The following PARP10 variants were observed in gnomAD, a reference collection of about 807,000 sequenced individuals.
PARP10 encodes the protein poly(ADP-ribose) polymerase family member 10.
In PARP10, 56 loss-of-function variants were observed where a neutral mutation model predicts 82.4. The observed-to-expected ratio is 0.68, with a 90% confidence interval of 0.55 to 0.85. The LOEUF (loss-of-function observed/expected upper bound fraction) is 0.85, where lower values mean the gene tolerates loss of function less well. Among genes scored for constraint, PARP10 ranks in the 40% least tolerant of loss-of-function variants. The probability of loss-of-function intolerance (pLI) is 0.00; values close to 1 mark genes in which losing one functional copy is unlikely to be tolerated. For missense variants in PARP10, 1,227 were observed against 1,379.4 expected, an observed-to-expected ratio of 0.89 and a Z score of 1.75; for synonymous variants, 576 against 601.1, an observed-to-expected ratio of 0.96 and a Z score of 0.61.
chr8:143,980,375 A>T (rs1833824098), intron 9 of PARP10, among the ~76,000 whole-genome samples: 1 of 148,838 alleles, frequency 6.7e-6, no homozygotes, highest in African/African-American at 2.5e-5. Flanking sequence ...AAATACAAAA[A>T]GTAGCTGGGT....
chr8:143,990,363 CGGCGGTGGTGGG>C (rs1834070605), upstream of PARP10: 1 of 151,146 alleles, frequency 6.6e-6, no homozygotes, highest in African/African-American at 2.4e-5. This position sits in a 1 kb window ranked among gnomAD's most constrained non-coding sequence, Gnocchi z 5.6. Flanking sequence ...CCAGAGGTGG[CGGCGGTGGTGGG>C]GGCGGGGAGC....
upstream of PARP10, chr8:143,991,665 C>A: frequency 6.3e-7 from 1 of 1,590,354 alleles, no homozygotes; most frequent in Non-Finnish European, 8.6e-7. Context: ...TTGTGAGTGG[C>A]GCTGACCCAG....
chr8:143,977,187 T>G lies in PARP10; in HGVS notation c.*297A>C. ...CGGGTCCCTTCCGCCTGGGTTCACG[T>G]TCACGTTTATTCAAACAACAGAGCC... On this transcript the variant is annotated 3_prime_UTR_variant, in exon 11 of 11. Coordinates refer to ENST00000313028, the MANE Select transcript of PARP10 (RefSeq NM_032789.5). 1 of 409,630 alleles carries G rather than the reference T, an allele frequency of 2.4e-6. No homozygotes were observed. The highest frequency in any genetic ancestry group is 4.4e-6 in the Non-Finnish European group (1 of 229,874). The allele number at this position is 409,630 out of a possible 1,614,324, so 25.4% of individuals were successfully genotyped here.
intron 9 of PARP10, among the ~76,000 whole-genome samples, chr8:143,981,400 G>A (rs1833855921): frequency 1.2e-5 from 1 of 83,616 alleles, no homozygotes. Context: ...TGGTGATGAT[G>A]GTGGTGACGA....
chr8:144,001,695 A>G (rs1316613488), intron 1 of PARP10, among the ~76,000 whole-genome samples: 1 of 152,098 alleles, frequency 6.6e-6, no homozygotes, highest in Non-Finnish European at 1.5e-5. Flanking sequence ...AACAAGAGCA[A>G]AACTCCATCT....
intron 9 of PARP10, 42 bp downstream of exon 9, chr8:143,982,890 C>T: frequency 6.2e-7 from 1 of 1,606,396 alleles, no homozygotes; most frequent in Non-Finnish European, 8.5e-7. Flanking sequence ...GGTGCAAGAG[C>T]CCAGGACGCC....
At position 143,984,616 on chromosome 8, in the gene PARP10, A is replaced by G. The variant is rs1273244532; in HGVS notation, c.1386T>C (p.His462=). ...CTCCCAGGCCCGCAAGAAGGTCCTC[A>G]TGGTAGAGCTGCAGGAAGCGCATCG... ...PGAMRFLQLY[H]EDLLAGLGDV... is the part of the protein sequence containing the mutation. The change falls in exon 5 of 11, where the codon CAT becomes CAC. Residue 462 remains histidine (H), a synonymous_variant. Transcript: ENST00000313028. 2.5e-6 allele frequency: 4 copies of G among 1,614,006 alleles called. No individual in the cohort carries two copies. The highest frequency in any genetic ancestry group is 3.4e-6 in the Non-Finnish European group (4 of 1,179,936).
At chr8:143,992,156 C>T (rs782087713), upstream of PARP10, 186 of 1,601,964 alleles carry the variant, frequency 1.2e-4, 1 homozygote, top group Middle Eastern at 1.7e-3. Flanking sequence ...GCCTGGTCAC[C>T]GTGGTTCTCC....
At chr8:143,998,993 C>CTCCTTCCT (rs34794348) in intron 1 of PARP10, among the ~76,000 whole-genome samples, 6,207 of 146,510 alleles carry the variant, frequency 0.042, 155 homozygotes, top group African/African-American at 0.058. Flanking sequence ...TTAATTCTTT[C>CTCCTTCCT]TCCTTCCTTC....
At chr8:143,994,508 C>T (rs1179094979), upstream of PARP10, among the ~76,000 whole-genome samples, 3 of 152,234 alleles carry the variant, frequency 2.0e-5, no homozygotes, top group African/African-American at 2.4e-5. Context: ...TAGCCTGGTA[C>T]GCGGGCCCTG....
chr8:143,999,329 A>G (rs928398300), intron 1 of PARP10, among the ~76,000 whole-genome samples: 2 of 152,096 alleles, frequency 1.3e-5, no homozygotes, highest in South Asian at 4.2e-4. Context: ...CAGCTTCCCA[A>G]GTAGCTGGGA....
In PARP10 at chr8:143,983,162, C is replaced by G. The variant is rs781791081; in HGVS notation, c.2422+5G>C. ...ACCGTCCCTCAGTCCAGGAGGTAGA[C>G]TCACAGGTAGGGCCTGAAGCTGCCA... On this transcript the variant is annotated splice_donor_5th_base_variant and intron_variant, in intron 8 of 10. Coordinates refer to ENST00000313028, the MANE Select transcript of PARP10 (RefSeq NM_032789.5). 1.9e-6 allele frequency: 3 copies of G among 1,612,850 alleles called. No individual in the cohort carries two copies. The South Asian group carries it at 3.3e-5, about 18-fold the overall frequency.
intron 1 of PARP10, among the ~76,000 whole-genome samples, chr8:144,012,231 G>A (rs779993897): frequency 1.7e-4 from 26 of 152,244 alleles, no homozygotes; most frequent in Non-Finnish European, 3.1e-4. Context: ...GAAGTTTCAC[G>A]GAAGAGGCAC....
chr8:143,983,983 G>A, intron 7 of PARP10, 25 bp downstream of exon 7: 3 of 1,500,008 alleles, frequency 2.0e-6, no homozygotes, highest in Non-Finnish European at 2.7e-6. Flanking sequence ...CACAGGATGT[G>A]CTGAGGGCTC....
chr8:143,991,082 G>A (rs1554750339), upstream of PARP10: 2 of 597,416 alleles, frequency 3.3e-6, no homozygotes, highest in South Asian at 2.3e-5. Context: ...CGGGGCAAAG[G>A]TCACGGTCTT....
upstream of PARP10, chr8:143,989,918 G>A (rs1254807077): frequency 1.3e-5 from 2 of 152,230 alleles, no homozygotes; most frequent in Admixed American, 6.5e-5. The surrounding 1 kb of genome is among the most constrained non-coding windows in gnomAD (Gnocchi z 4.3). Context: ...CCCCTCGGCA[G>A]ACAGTGAGAG....
At chr8:144,007,432 A>G (rs1386538133) in intron 1 of PARP10, among the ~76,000 whole-genome samples, 1 of 152,214 alleles carries the variant, frequency 6.6e-6, no homozygotes, top group South Asian at 2.1e-4. Flanking sequence ...GCCAGTTATT[A>G]TCTTGTCTGT....
Position 143,983,226 on chromosome 8 carries a change from A to C in PARP10, c.2363T>G (p.Leu788Arg). 3 of 1,613,704 alleles carry C rather than the reference A, an allele frequency of 1.9e-6. No individual in the cohort carries two copies. The highest frequency in any genetic ancestry group is 2.5e-6 in the Non-Finnish European group (3 of 1,179,996). Residue 788 changes from leucine to arginine, a missense_variant, in exon 8 of 11, where the codon CTT (leucine) becomes CGT (arginine). Physicochemically the swap from Leu to Arg is moderately radical, Grantham distance 102. Transcript: ENST00000313028. ...PARAARHLVA[L>R]LAGPWDQSLA... The stretch of plus-strand genomic sequence containing the variant: ...ACTCTGATCCCAGGGGCCAGCCAGA[A>C]GTGCCACCAAGTGGCGGGCAGCACG...
At position 143,982,814 on chromosome 8, in the gene PARP10, A is replaced by C. The variant is rs959250976; in HGVS notation, c.2556+118T>G. On this transcript the variant is annotated intron_variant, in intron 9 of 10. Coordinates refer to ENST00000313028, the MANE Select transcript of PARP10 (RefSeq NM_032789.5). ...CAGAGAACAGGGCTGGGAGCCTGTC[A>C]GCTCCTGGTCAGCTGACCTTGATGT... 2.0e-6 allele frequency: 3 copies of C among 1,466,812 alleles called. No homozygotes were observed. The East Asian group carries it at 6.8e-5, about 33-fold the overall frequency. The allele number at this position is 1,466,812 out of a possible 1,614,324, so 90.9% of individuals were successfully genotyped here.
Sources: gnomAD v4.1 joint callset for allele counts (sites outside exome capture counted in the v4.1 genomes callset) on GRCh38, gnomAD v4.1.1 for gene constraint, Gnocchi (gnomAD v3.1) non-coding constraint, MANE v1.5 for transcripts, NCBI Gene and HGNC (gene_info 2026-07-23, HGNC 2026-07-21) for gene names.